EPHX1: variants seen among roughly 807,000 people sequenced by gnomAD.
EPHX1 encodes the protein epoxide hydrolase 1.
Under a neutral mutation model 43.2 loss-of-function variants are expected in EPHX1, and 40 were observed. That is an observed-to-expected ratio of 0.93 (90% CI 0.72 to 1.21). The LOEUF is 1.21. Among genes scored for constraint, EPHX1 ranks in the 50% most tolerant of loss-of-function variants. The probability of loss-of-function intolerance (pLI) is 0.00; values close to 1 mark genes in which losing one functional copy is unlikely to be tolerated. For synonymous variants in EPHX1, 221 were observed against 226.7 expected (o/e 0.98, Z 0.22); for missense variants, 550 against 570.4 (o/e 0.96, Z 0.36).
chr1:225,842,450 A>T lies in EPHX1; in HGVS notation c.1016A>T (p.Tyr339Phe). ...FSTWTNTEFR[Y>F]LEDGGLERKF... ...ACCTGGACCAATACGGAATTCCGAT[A>T]CCTGGAGGATGGAGGCCTGGAAAGG... The change falls in exon 7 of 9, where the codon TAC becomes TTC. Residue 339 changes from tyrosine (Y) to phenylalanine (F), a missense_variant. Coordinates refer to ENST00000272167, the MANE Select transcript of EPHX1 (RefSeq NM_001136018.4). 1 of 1,613,724 alleles carries T rather than the reference A, an allele frequency of 6.2e-7. No homozygotes were observed.
At chr1:225,827,094 A>G (rs1217053265) in intron 1 of EPHX1, among the ~76,000 whole-genome samples, 2 of 152,160 alleles carry the variant, frequency 1.3e-5, no homozygotes, top group Admixed American at 6.5e-5. Context: ...CAGTAGCCCA[A>G]TTCTAGGTTT....
intron 7 of EPHX1, 148 bp from the exon 8 acceptor site, chr1:225,844,350 G>GGATTTAGT: frequency 4.7e-6 from 6 of 1,278,924 alleles, no homozygotes; most frequent in Non-Finnish European, 6.8e-6. Flanking sequence ...CAGCCTGCCT[G>GGATTTAGT]TGACACGAGG....
intron 2 of EPHX1, 58 bp from the exon 3 acceptor site, chr1:225,831,721 G>A: frequency 6.4e-7 from 1 of 1,562,222 alleles, no homozygotes; most frequent in Non-Finnish European, 8.8e-7. Context: ...AACAGACTTT[G>A]CTCTTGTGCT....
At chr1:225,844,760 G>A (rs1668787623) in intron 8 of EPHX1, 137 bp downstream of exon 8, 1 of 1,398,894 alleles carries the variant, frequency 7.1e-7, no homozygotes, top group Non-Finnish European at 9.7e-7. Context: ...CCCTTGGATG[G>A]GAACACTAAA....
chr1:225,835,167 C>T (rs1190282805), intron 3 of EPHX1, among the ~76,000 whole-genome samples: 1 of 152,114 alleles, frequency 6.6e-6, no homozygotes, highest in African/African-American at 2.4e-5. Flanking sequence ...GGGCCCTTTC[C>T]ATCCTGGCAG....
In EPHX1 at chr1:225,817,628, C is replaced by A. The variant is rs141667626; in HGVS notation, c.-6+7459C>A. 2.8e-3 allele frequency among the ~76,000 whole-genome samples: 434 copies of A among 152,292 alleles called. No homozygotes were observed. Among genetic ancestry groups the A allele is most frequent in the African/African-American group, 0.01 (416 of 41,568 alleles). On this transcript the variant is annotated intron_variant, in intron 1 of 8. Coordinates refer to ENST00000272167, the MANE Select transcript of EPHX1 (RefSeq NM_001136018.4). The surrounding 1 kb of genome is among the most constrained non-coding windows in gnomAD (Gnocchi z 5.7). Reference sequence around the variant, plus strand: ...CATAGTTTTTCCCTTACCCTCTCTGCCCCCACACTTTCCTCCCCAAAGTGG... The same window carrying A: ...CATAGTTTTTCCCTTACCCTCTCTGACCCCACACTTTCCTCCCCAAAGTGG...
At chr1:225,827,357 A>T (rs767303149) in intron 1 of EPHX1, among the ~76,000 whole-genome samples, 1 of 152,076 alleles carries the variant, frequency 6.6e-6, no homozygotes, top group Non-Finnish European at 1.5e-5. Flanking sequence ...CCCTCCTCTG[A>T]CTCAGGCATA....
At chr1:225,844,450 C>T (rs1668738937) in intron 7 of EPHX1, 48 bp from the exon 8 acceptor site, 1 of 1,603,860 alleles carries the variant, frequency 6.2e-7, no homozygotes, top group South Asian at 1.1e-5. Context: ...CTTTGTCACA[C>T]AACTGCATGT....
chr1:225,835,382 C>CCTTT (rs1553485501), intron 3 of EPHX1, among the ~76,000 whole-genome samples: 11 of 90,938 alleles, frequency 1.2e-4, no homozygotes, highest in East Asian at 3.2e-4. Context: ...CCACACTAGG[C>CCTTT]TTTTTTTTTT....
intron 5 of EPHX1, 56 bp downstream of exon 5, chr1:225,839,402 T>TGTGC (rs1668201372): frequency 6.3e-7 from 1 of 1,587,994 alleles, no homozygotes; most frequent in Non-Finnish European, 8.6e-7. Flanking sequence ...TGTGTGTGTG[T>TGTGC]CCTCTAAGAA....
At chr1:225,818,646 A>G (rs1666833619) in intron 1 of EPHX1, among the ~76,000 whole-genome samples, 1 of 152,148 alleles carries the variant, frequency 6.6e-6, no homozygotes, top group African/African-American at 2.4e-5. Context: ...TTTCAAGTAA[A>G]CTGTTTCTCC....
At chr1:225,815,419 T>TTTC (rs1313448630) in intron 1 of EPHX1, among the ~76,000 whole-genome samples, 1 of 70,232 alleles carries the variant, frequency 1.4e-5, no homozygotes, top group African/African-American at 5.5e-5. Flanking sequence ...TTCTTTTTTT[T>TTTC]TTTTTTTTTT....
chr1:225,810,594 G>A (rs2102667649), intron 1 of EPHX1: 1 of 152,576 alleles, frequency 6.6e-6, no homozygotes, highest in South Asian at 2.1e-4. Flanking sequence ...TCCGTGTGAA[G>A]AGACCACCAA....
intron 1 of EPHX1, among the ~76,000 whole-genome samples, chr1:225,826,199 C>T (rs1006897052): frequency 1.3e-5 from 2 of 151,996 alleles, no homozygotes; most frequent in Admixed American, 6.6e-5. Flanking sequence ...CACAGCAGCT[C>T]GTGCCTCTAA....
rs750989790 is a variant in EPHX1, at chr1:225,845,250, C to G, written c.1271C>G (p.Ser424Cys). Reference sequence around the variant, plus strand: ...AAGTACCCAAAGCTCATCTCCTATTCCTACATGGTTCGTGGGGGCCACTTT... The same window carrying G: ...AAGTACCCAAAGCTCATCTCCTATTGCTACATGGTTCGTGGGGGCCACTTT... ...RFKYPKLISY[S>C]YMVRGGHFAA... is the part of the protein sequence containing the mutation. Residue 424 changes from serine (S) to cysteine (C), a missense_variant, in exon 9 of 9, where the codon TCC becomes TGC. Physicochemically the swap from Ser to Cys is moderately radical, Grantham distance 112. Coordinates refer to ENST00000272167, the MANE Select transcript of EPHX1 (RefSeq NM_001136018.4). The G allele has an allele frequency of 6.2e-7, 1 of 1,614,044 alleles. No homozygotes were observed. Among genetic ancestry groups the G allele is most frequent in the Admixed American group, 1.7e-5 (1 of 60,024 alleles).
intron 7 of EPHX1, among the ~76,000 whole-genome samples, chr1:225,843,188 T>C (rs1035101370): frequency 6.8e-6 from 1 of 147,788 alleles, no homozygotes; most frequent in African/African-American, 2.6e-5. Flanking sequence ...CGCAAAGGAC[T>C]GTGAGAGTCC....
At chr1:225,819,484 C>A (rs1666887414) in intron 1 of EPHX1, among the ~76,000 whole-genome samples, 1 of 151,830 alleles carries the variant, frequency 6.6e-6, no homozygotes, top group Non-Finnish European at 1.5e-5. Flanking sequence ...TGTGAGTGGA[C>A]CGGGCAGGGT....
chr1:225,828,903 G>T lies in EPHX1; in HGVS notation c.174G>T (p.Glu58Asp). ...CTTTCAAGGTGGAAACGTCAGATGA[G>T]GAGATCCACGTAAGGCACCTTGGGC... Reference protein sequence around the residue: ...IRPFKVETSDEEIHDLHQRID... With the variant: ...IRPFKVETSDDEIHDLHQRID... Residue 58 changes from glutamate to aspartate, a missense_variant, in exon 2 of 9, where the codon GAG becomes GAT. Glu to Asp is a conservative substitution (Grantham distance 45). Coordinates refer to ENST00000272167, the MANE Select transcript of EPHX1 (RefSeq NM_001136018.4). 4 of 1,575,578 alleles carry T rather than the reference G, an allele frequency of 2.5e-6. No individual in the cohort carries two copies. Among genetic ancestry groups the T allele is most frequent in the Non-Finnish European group, 3.5e-6 (4 of 1,157,960 alleles).
intron 3 of EPHX1, among the ~76,000 whole-genome samples, chr1:225,833,966 C>T (rs1030683872): frequency 6.6e-6 from 1 of 150,624 alleles, no homozygotes; most frequent in African/African-American, 2.4e-5. Flanking sequence ...GGCGTGGTGG[C>T]AGGCGCCTGT....
Sources: allele counts gnomAD v4.1 joint callset (sites outside exome capture counted in the v4.1 genomes callset), GRCh38; gene constraint gnomAD v4.1.1; non-coding constraint Gnocchi (gnomAD v3.1); transcripts MANE v1.5; gene names NCBI Gene and HGNC (gene_info 2026-07-23, HGNC 2026-07-21).